The following TCF7L1 variants were observed in gnomAD, a reference collection of about 807,000 sequenced individuals.
TCF7L1 encodes the protein transcription factor 7-like 1.
In TCF7L1, 18 loss-of-function variants were observed where a neutral mutation model predicts 63.7. That is an observed-to-expected ratio of 0.28 (90% CI 0.20 to 0.42). TCF7L1 has a LOEUF of 0.42. TCF7L1 is among the 10% of genes least tolerant of loss of function. The probability of loss-of-function intolerance (pLI) is 1.00; values close to 1 mark genes in which losing one functional copy is unlikely to be tolerated. For missense variants in TCF7L1, 654 were observed against 779.3 expected (o/e 0.84, Z 1.91); for synonymous variants, 355 against 340.9 (o/e 1.04, Z -0.46).
At chr2:85,285,836 GTT>G (rs1380364797) in intron 4 of TCF7L1, among the ~76,000 whole-genome samples, 2 of 152,168 alleles carry the variant, frequency 1.3e-5, no homozygotes, top group Non-Finnish European at 2.9e-5. Flanking sequence ...CTCTGTCTTA[GTT>G]TCTCTCTGCA....
At chr2:85,302,751 T>G in intron 5 of TCF7L1, 135 bp downstream of exon 5, 2 of 1,187,522 alleles carry the variant, frequency 1.7e-6, no homozygotes, top group Non-Finnish European at 2.3e-6. Flanking sequence ...TTGGACCTTG[T>G]CTGCTAACTT....
intron 3 of TCF7L1, among the ~76,000 whole-genome samples, chr2:85,203,040 T>C (rs1211277116): frequency 6.6e-6 from 1 of 152,138 alleles, no homozygotes; most frequent in Non-Finnish European, 1.5e-5. Flanking sequence ...TTTCACCATG[T>C]TAGCCAGGAT....
intron 3 of TCF7L1, among the ~76,000 whole-genome samples, chr2:85,199,873 T>A (rs1341608285): frequency 1.3e-5 from 2 of 152,156 alleles, no homozygotes; most frequent in Non-Finnish European, 2.9e-5. Flanking sequence ...CCATCACCAC[T>A]CTCTAATTCC....
chr2:85,249,972 G>A (rs914806277), intron 3 of TCF7L1, among the ~76,000 whole-genome samples: 1 of 152,236 alleles, frequency 6.6e-6, no homozygotes, highest in Non-Finnish European at 1.5e-5. Context: ...AAGACATAGG[G>A]ACAGAGAAAG....
At chr2:85,299,859 A>AC (rs1347543816) in intron 4 of TCF7L1, among the ~76,000 whole-genome samples, 19 of 142,822 alleles carry the variant, frequency 1.3e-4, no homozygotes, top group East Asian at 2.0e-4. Context: ...ACCTTGTCTC[A>AC]AACACACACA....
chr2:85,280,509 CCAA>C (rs1183475049), intron 3 of TCF7L1, among the ~76,000 whole-genome samples: 1 of 152,142 alleles, frequency 6.6e-6, no homozygotes, highest in African/African-American at 2.4e-5. Flanking sequence ...CCCTGGTAAG[CCAA>C]CAAGAATGAA....
At chr2:85,230,041 G>T (rs1413353201) in intron 3 of TCF7L1, among the ~76,000 whole-genome samples, 1 of 152,138 alleles carries the variant, frequency 6.6e-6, no homozygotes, top group African/African-American at 2.4e-5. Flanking sequence ...TCCACTTTCT[G>T]CCAGACCTTT....
intron 3 of TCF7L1, among the ~76,000 whole-genome samples, chr2:85,199,836 C>T (rs1011425255): frequency 1.3e-5 from 2 of 152,130 alleles, no homozygotes; most frequent in Admixed American, 6.6e-5. Flanking sequence ...AGTTCAGTGG[C>T]TTTAGTATAC....
intron 3 of TCF7L1, among the ~76,000 whole-genome samples, chr2:85,170,505 C>T (rs1233789895): frequency 2.0e-5 from 3 of 152,160 alleles, no homozygotes; most frequent in Non-Finnish European, 4.4e-5. Context: ...CCAGAGCCTC[C>T]AATTATAATC....
chr2:85,160,126 G>A (rs1678252738), intron 3 of TCF7L1, among the ~76,000 whole-genome samples: 1 of 152,168 alleles, frequency 6.6e-6, no homozygotes, highest in Non-Finnish European at 1.5e-5. Context: ...TTTAACACAT[G>A]TACAGATTCA....
chr2:85,231,732 G>A (rs1680085211), intron 3 of TCF7L1, among the ~76,000 whole-genome samples: 1 of 152,110 alleles, frequency 6.6e-6, no homozygotes, highest in South Asian at 2.1e-4. Context: ...CTCCCACCAT[G>A]TCCCCTTCCA....
intron 3 of TCF7L1, among the ~76,000 whole-genome samples, chr2:85,149,252 A>T (rs1284373219): frequency 6.7e-6 from 1 of 149,736 alleles, no homozygotes; most frequent in Non-Finnish European, 1.5e-5. Flanking sequence ...TGAGTTCTTG[A>T]TCAAATAGCT....
rs182966786 is a variant in TCF7L1 at position 85,190,328 on chromosome 2, G to C, written c.441+55878G>C. On this transcript the variant is annotated intron_variant, in intron 3 of 11. Coordinates refer to ENST00000282111, the MANE Select transcript of TCF7L1 (RefSeq NM_031283.3). Reference sequence around the variant, plus strand: ...ACTTTGAGATCTTGGAGGGACGAAGGACATTTTCAAGGTGGGAAGTTGCCG... The same window carrying C: ...ACTTTGAGATCTTGGAGGGACGAAGCACATTTTCAAGGTGGGAAGTTGCCG... Among the ~76,000 whole-genome samples, 4 of 152,306 alleles carry C rather than the reference G, an allele frequency of 2.6e-5. No homozygotes were observed. In the East Asian group the frequency reaches 7.7e-4, roughly 29 times the overall value.
chr2:85,208,949 C>G (rs1365907103), intron 3 of TCF7L1, among the ~76,000 whole-genome samples: 1 of 152,152 alleles, frequency 6.6e-6, no homozygotes, highest in South Asian at 2.1e-4. Context: ...GATTTCTTTA[C>G]ATTTTTCTCT....
intron 3 of TCF7L1, among the ~76,000 whole-genome samples, chr2:85,157,681 T>G (rs1001162716): frequency 6.6e-6 from 1 of 152,240 alleles, no homozygotes; most frequent in Non-Finnish European, 1.5e-5. Context: ...GCCTGAACCT[T>G]GTCCCTAAGA....
chr2:85,238,650 CAG>C (rs142745415), intron 3 of TCF7L1, among the ~76,000 whole-genome samples: 2,704 of 152,124 alleles, frequency 0.018, 44 homozygotes, highest in Non-Finnish European at 0.028. Context: ...TGGGGGGAAA[CAG>C]AGAGTGAACA....
At chr2:85,248,120 A>C (rs1680508235) in intron 3 of TCF7L1, among the ~76,000 whole-genome samples, 1 of 152,122 alleles carries the variant, frequency 6.6e-6, no homozygotes, top group African/African-American at 2.4e-5. Context: ...TAGATTTATA[A>C]ATCTTTAGGC....
rs192385609 is a variant in TCF7L1, at chr2:85,149,586, G to A, written c.441+15136G>A. Among the ~76,000 whole-genome samples, 16 of 151,856 alleles carry A rather than the reference G, an allele frequency of 1.1e-4. No individual in the cohort carries two copies. In the East Asian group the frequency reaches 2.5e-3, roughly 24 times the overall value. On this transcript the variant is annotated intron_variant, in intron 3 of 11. Coordinates refer to ENST00000282111, the MANE Select transcript of TCF7L1 (RefSeq NM_031283.3). The stretch of plus-strand genomic sequence containing the variant: ...CAACGCCCAGGCTGGAGTCAGTGGC[G>A]CCATCTCAGCTCACTGCAGCCTCCG...
chr2:85,137,121 C>T (rs1677613685), intron 3 of TCF7L1, among the ~76,000 whole-genome samples: 1 of 152,164 alleles, frequency 6.6e-6, no homozygotes, highest in African/African-American at 2.4e-5. Context: ...TAGGTGACCC[C>T]AGTTATCTGC....
Sources: gnomAD v4.1 joint callset for allele counts (sites outside exome capture counted in the v4.1 genomes callset) on GRCh38, gnomAD v4.1.1 for gene constraint, MANE v1.5 for transcripts, NCBI Gene and HGNC (gene_info 2026-07-23, HGNC 2026-07-21) for gene names.